The following HECTD2 variants were observed in gnomAD, a reference collection of about 807,000 sequenced individuals.
HECTD2 encodes probable E3 ubiquitin-protein ligase HECTD2.
HECTD2 carries 35 observed loss-of-function variants against 103.2 expected under a neutral mutation model. That is an observed-to-expected ratio of 0.34 (90% CI 0.26 to 0.45). The LOEUF is 0.45. Among genes scored for constraint, HECTD2 ranks in the 20% least tolerant of loss-of-function variants. The probability of loss-of-function intolerance (pLI) is 1.00; values close to 1 mark genes in which losing one functional copy is unlikely to be tolerated. For synonymous variants in HECTD2, 281 were observed against 329.9 expected, an observed-to-expected ratio of 0.85 and a Z score of 1.61; for missense variants, 596 against 937.4, an observed-to-expected ratio of 0.64 and a Z score of 4.76.
intron 2 of HECTD2, among the ~76,000 whole-genome samples, chr10:91,456,432 C>T (rs1810964362): frequency 6.6e-6 from 1 of 152,078 alleles, no homozygotes; most frequent in African/African-American, 2.4e-5. Flanking sequence ...TTTTTGTATC[C>T]TGAGACTTTG....
chr10:91,498,065 T>C (rs1846753404), intron 15 of HECTD2, 43 bp from the exon 16 acceptor site: 1 of 1,301,630 alleles, frequency 7.7e-7, no homozygotes. Context: ...TCCTAGCTAA[T>C]GCTATTCTAT....
chr10:91,506,628 A>G (rs1847190886), intron 20 of HECTD2, among the ~76,000 whole-genome samples: 1 of 151,940 alleles, frequency 6.6e-6, no homozygotes, highest in Non-Finnish European at 1.5e-5. Context: ...TGTGGCAATA[A>G]TCAATAGCTT....
chr10:91,490,735 CA>C (rs1846438705), intron 11 of HECTD2, among the ~76,000 whole-genome samples: 1 of 150,150 alleles, frequency 6.7e-6, no homozygotes, highest in African/African-American at 2.4e-5. Context: ...ACTAAAAATA[CA>C]AAAAATTAGC....
chr10:91,493,406 G>T lies in HECTD2; in HGVS notation c.1433-14G>T, dbSNP rs533738090. On this transcript the variant is annotated splice_polypyrimidine_tract_variant and intron_variant, in intron 13 of 20. Coordinates refer to ENST00000298068, the MANE Select transcript of HECTD2 (RefSeq NM_182765.6). ...AATCATGTTAATAATAACATTATTC[G>T]TGTGTTTTTTTAGGCATGTTTACAT... The T allele has an allele frequency of 4.3e-6, 6 of 1,409,474 alleles. No homozygotes were observed. Among genetic ancestry groups the T allele is most frequent in the Non-Finnish European group, 5.7e-6 (6 of 1,045,536 alleles). 87.3% of individuals were successfully genotyped at this position (1,409,474 alleles called of 1,614,324 possible). A position where few individuals can be genotyped will look rare whatever the true frequency, so the allele number is the denominator to read the frequency against.
intron 5 of HECTD2, among the ~76,000 whole-genome samples, chr10:91,471,180 A>G (rs1845715006): frequency 6.6e-6 from 1 of 152,226 alleles, no homozygotes; most frequent in Admixed American, 6.5e-5. Flanking sequence ...ACACATATCA[A>G]TAAATGTGAT....
chr10:91,480,333 T>C (rs970013269), intron 6 of HECTD2, among the ~76,000 whole-genome samples: 1 of 152,060 alleles, frequency 6.6e-6, no homozygotes, highest in Non-Finnish European at 1.5e-5. Flanking sequence ...TACAAATAGA[T>C]CTTGAGCAGG....
chr10:91,491,250 A>T lies in HECTD2; in HGVS notation c.1242A>T (p.Ile414=). Residue 414 remains isoleucine, a synonymous_variant, in exon 12 of 21, where the codon ATA becomes ATT. Coordinates refer to ENST00000298068, the MANE Select transcript of HECTD2 (RefSeq NM_182765.6). ...VSRRQRPDMN[I]LFLNMKVRRT... ...GAAGACAGAGACCTGATATGAATAT[A>T]TTATTTCTAAATATGAAAGTAAGAC... The T allele has an allele frequency of 6.3e-7, 1 of 1,584,158 alleles. No homozygotes were observed. Among genetic ancestry groups the T allele is most frequent in the Non-Finnish European group, 8.6e-7 (1 of 1,158,752 alleles).
intron 5 of HECTD2, among the ~76,000 whole-genome samples, chr10:91,474,629 G>C (rs540978236): frequency 6.6e-6 from 1 of 152,156 alleles, no homozygotes; most frequent in African/African-American, 2.4e-5. Flanking sequence ...TAGTCAGTGA[G>C]TATGTATTGT....
chr10:91,501,290 T>C lies in HECTD2; in HGVS notation c.2166T>C (p.Ala722=), dbSNP rs1409970410. 1.2e-6 allele frequency: 2 copies of C among 1,602,040 alleles called. No individual in the cohort carries two copies. Among genetic ancestry groups the C allele is most frequent in the African/African-American group, 2.7e-5 (2 of 74,402 alleles). The change falls in exon 20 of 21, where the codon GCT becomes GCC. Residue 722 remains alanine, a synonymous_variant. Transcript: ENST00000298068. Reference sequence around the variant, plus strand: ...ACAGAGTACCTGTAGGAGGGATGGCTGATTTGAACTTTAAAATCTCAAAGA... The same window carrying C: ...ACAGAGTACCTGTAGGAGGGATGGCCGATTTGAACTTTAAAATCTCAAAGA... The part of the protein sequence containing the change: ...GSDRVPVGGM[A]DLNFKISKNE...
At position 91,492,491 on chromosome 10, in the gene HECTD2, A is replaced by G; in HGVS notation, c.1432+7A>G. The stretch of plus-strand genomic sequence containing the variant: ...ATTTTTCATCCAGATTATGGTAAGT[A>G]TGTAATCTAATTTTTATAAACTGTG... On this transcript the variant is annotated splice_region_variant and intron_variant, in intron 13 of 20. Coordinates refer to ENST00000298068, the MANE Select transcript of HECTD2 (RefSeq NM_182765.6). 1 of 1,591,720 alleles carries G rather than the reference A, an allele frequency of 6.3e-7. No individual in the cohort carries two copies.
At chr10:91,456,132 G>A (rs1232021216) in intron 2 of HECTD2, among the ~76,000 whole-genome samples, 1 of 152,252 alleles carries the variant, frequency 6.6e-6, no homozygotes, top group African/African-American at 2.4e-5. Context: ...AGCCTGATGG[G>A]GGGGTGGCAT....
At chr10:91,449,855 T>C (rs199691393) in intron 2 of HECTD2, among the ~76,000 whole-genome samples, 4 of 151,982 alleles carry the variant, frequency 2.6e-5, no homozygotes, top group African/African-American at 9.7e-5. Context: ...GAACTACAAA[T>C]CACTCCTCAA....
At chr10:91,440,284 A>C (rs139542139) in intron 2 of HECTD2, among the ~76,000 whole-genome samples, 1,759 of 152,256 alleles carry the variant, frequency 0.012, 27 homozygotes, top group Non-Finnish European at 0.015. Context: ...TTTTAGCATG[A>C]ATGGGGTGTT....
At chr10:91,508,343 A>G (rs1284049624) in intron 20 of HECTD2, among the ~76,000 whole-genome samples, 2 of 147,514 alleles carry the variant, frequency 1.4e-5, no homozygotes, top group African/African-American at 5.0e-5. Context: ...GCAACCTACA[A>G]AATGGGAGAA....
chr10:91,462,734 C>G (rs1845399898), intron 5 of HECTD2: 1 of 985,988 alleles, frequency 1.0e-6, no homozygotes, highest in Non-Finnish European at 1.2e-6. Context: ...AGAATGTAAA[C>G]AAAGTCTCCA....
chr10:91,484,414 T>G (rs933193839), intron 8 of HECTD2, 93 bp from the exon 9 acceptor site: 36 of 1,480,956 alleles, frequency 2.4e-5, no homozygotes, highest in Non-Finnish European at 3.0e-5. Flanking sequence ...AGTCTAAAAT[T>G]TTGTGGCTTA....
Position 91,431,287 on chromosome 10 carries a change from A to G in HECTD2, c.268+5877A>G, listed in dbSNP as rs530390015. On this transcript the variant is annotated intron_variant, in intron 2 of 20. Transcript: ENST00000298068. ...TGGGCTTCCCTTTGTGGGTAACCCA[A>G]CCTTTCTCTCTGGCTTCCCTTAACA... Among the ~76,000 whole-genome samples the G allele has an allele frequency of 1.1e-3, 164 of 151,610 alleles. 1 individual carries two copies. The highest frequency in any genetic ancestry group is 3.1e-3 in the African/African-American group (129 of 41,022).
intron 18 of HECTD2, among the ~76,000 whole-genome samples, chr10:91,499,541 A>T (rs1354375457): frequency 6.6e-6 from 1 of 152,170 alleles, no homozygotes; most frequent in African/African-American, 2.4e-5. Flanking sequence ...GCTTCCTGCT[A>T]CCTCAGGGCT....
At chr10:91,473,532 T>C (rs1236803181) in intron 5 of HECTD2, among the ~76,000 whole-genome samples, 1 of 152,152 alleles carries the variant, frequency 6.6e-6, no homozygotes, top group East Asian at 1.9e-4. Context: ...CAGTTGACCC[T>C]TACACATCAT....
Sources: gnomAD v4.1 joint callset for allele counts (sites outside exome capture counted in the v4.1 genomes callset) on GRCh38, gnomAD v4.1.1 for gene constraint, MANE v1.5 for transcripts, NCBI Gene and HGNC (gene_info 2026-07-23, HGNC 2026-07-21) for gene names.